The following KCNIP4 variants were observed in gnomAD, a reference collection of about 807,000 sequenced individuals.
KCNIP4 encodes potassium voltage-gated channel interacting protein 4.
KCNIP4 carries 12 observed loss-of-function variants against 34.0 expected under a neutral mutation model. The observed-to-expected ratio is 0.35, with a 90% confidence interval of 0.23 to 0.57. The LOEUF (loss-of-function observed/expected upper bound fraction) is 0.57. Ranked by LOEUF, KCNIP4 falls within the 20% of genes least tolerant of loss-of-function variation. The pLI, the probability that KCNIP4 is intolerant of heterozygous loss-of-function variation, is 0.83. For missense variants in KCNIP4, 238 were observed against 311.7 expected, an observed-to-expected ratio of 0.76 and a Z score of 1.78; for synonymous variants, 124 against 102.2, an observed-to-expected ratio of 1.21 and a Z score of -1.29.
chr4:21,193,316 G>A (rs1755815155), intron 1 of KCNIP4, among the ~76,000 whole-genome samples: 1 of 152,114 alleles, frequency 6.6e-6, no homozygotes. Context: ...TCACAGCTGA[G>A]CTCAGGAGAA....
rs145818414 is a variant in KCNIP4, at chr4:21,738,315, GT to G, written c.61+210255del. Reference sequence around the variant, plus strand: ...CATGTGAGACAAGGAAATGCAAGCTGTTTAAATTAAATGAAATGACCTGATC... The same window carrying G: ...CATGTGAGACAAGGAAATGCAAGCTGTTAAATTAAATGAAATGACCTGATC... On this transcript the variant is annotated intron_variant, in intron 1 of 8. Transcript: ENST00000382152. Among the ~76,000 whole-genome samples, 548 of 152,150 alleles carry G rather than the reference GT, an allele frequency of 3.6e-3. 2 individuals carry two copies. Among genetic ancestry groups the G allele is most frequent in the African/African-American group, 0.012 (519 of 41,530 alleles).
At chr4:21,355,414 A>G (rs1195424625) in intron 1 of KCNIP4, among the ~76,000 whole-genome samples, 1 of 152,136 alleles carries the variant, frequency 6.6e-6, no homozygotes, top group Non-Finnish European at 1.5e-5. Context: ...AGCAAGACTA[A>G]TAAGAAGAAA....
At chr4:20,920,899 G>T (rs761744761) in intron 1 of KCNIP4, among the ~76,000 whole-genome samples, 4 of 152,176 alleles carry the variant, frequency 2.6e-5, no homozygotes, top group Non-Finnish European at 4.4e-5. Context: ...TGAGGCAGGA[G>T]AATTGCTTGA....
At chr4:21,255,806 C>A (rs1761022700) in intron 1 of KCNIP4, among the ~76,000 whole-genome samples, 2 of 152,134 alleles carry the variant, frequency 1.3e-5, no homozygotes. Context: ...ACGCGGTCCC[C>A]AATGTTGAAG....
At chr4:21,584,386 C>T (rs1269839052) in intron 1 of KCNIP4, among the ~76,000 whole-genome samples, 1 of 151,774 alleles carries the variant, frequency 6.6e-6, no homozygotes, top group Non-Finnish European at 1.5e-5. Flanking sequence ...ACAAATTTAC[C>T]AAAATTATTT....
intron 2 of KCNIP4, among the ~76,000 whole-genome samples, chr4:20,879,179 T>C (rs1470898637): frequency 2.0e-5 from 3 of 152,160 alleles, no homozygotes. Context: ...AAGACAATTC[T>C]TTGTTCACAG....
chr4:21,205,630 A>G lies in KCNIP4; in HGVS notation c.62-322921T>C, dbSNP rs370781227. Among the ~76,000 whole-genome samples the G allele has an allele frequency of 2.4e-3, 360 of 152,314 alleles. 1 individual carries two copies. The highest frequency in any genetic ancestry group is 0.021 in the South Asian group (100 of 4,832). ...TTAAAACTTACCACGTGCTTTACAA[A>G]TACTAACTCCTTTGTTATATCTCTC... On this transcript the variant is annotated intron_variant, in intron 1 of 8. Transcript: ENST00000382152.
chr4:20,979,336 C>T (rs563283818), intron 1 of KCNIP4, among the ~76,000 whole-genome samples: 2 of 151,732 alleles, frequency 1.3e-5, no homozygotes, highest in Non-Finnish European at 2.9e-5. Flanking sequence ...GATTTTTGTC[C>T]TTCCAATCTG....
intron 1 of KCNIP4, among the ~76,000 whole-genome samples, chr4:21,586,549 C>A (rs900991514): frequency 2.0e-5 from 3 of 152,024 alleles, no homozygotes; most frequent in Middle Eastern, 3.4e-3. Context: ...GAAGGTGTGA[C>A]AGGAACTGAA....
At chr4:21,549,195 T>C (rs13104108) in intron 1 of KCNIP4, among the ~76,000 whole-genome samples, 54,549 of 151,794 alleles carry the variant, frequency 0.36, 10,108 homozygotes, top group South Asian at 0.52. Context: ...TTATATGATG[T>C]TTACTACTTG....
Position 20,910,178 on chromosome 4 carries a change from C to T in KCNIP4, c.62-27469G>A, listed in dbSNP as rs114088381. Among the ~76,000 whole-genome samples the T allele has an allele frequency of 9.8e-3, 1,488 of 152,188 alleles. 11 individuals carry two copies. Among genetic ancestry groups the T allele is most frequent in the Admixed American group, 0.019 (296 of 15,284 alleles). ...TCATTCTAAATTAGCTTGGATTTCT[C>T]CTACTGGCTCACCTCACTTTAGAGT... is the stretch of plus-strand genomic sequence containing the variant. On this transcript the variant is annotated intron_variant, in intron 1 of 8. Coordinates refer to ENST00000382152, the MANE Select transcript of KCNIP4 (RefSeq NM_025221.6).
At chr4:21,803,720 C>T (rs1441176318) in intron 1 of KCNIP4, among the ~76,000 whole-genome samples, 1 of 152,184 alleles carries the variant, frequency 6.6e-6, no homozygotes, top group African/African-American at 2.4e-5. Context: ...AGACACTTCC[C>T]CAGTGAAGCT....
chr4:21,126,790 CA>C (rs1750656589), intron 1 of KCNIP4, among the ~76,000 whole-genome samples: 1 of 152,124 alleles, frequency 6.6e-6, no homozygotes, highest in South Asian at 2.1e-4. Flanking sequence ...AAGCAAGTAG[CA>C]AGGGTGTCTT....
At chr4:21,410,893 A>G (rs1014709804) in intron 1 of KCNIP4, among the ~76,000 whole-genome samples, 2 of 152,216 alleles carry the variant, frequency 1.3e-5, no homozygotes, top group African/African-American at 4.8e-5. Context: ...TATCTTGGCA[A>G]TAATGGTCTG....
intron 3 of KCNIP4, among the ~76,000 whole-genome samples, chr4:20,848,483 G>T (rs898560329): frequency 9.4e-6 from 1 of 106,424 alleles, no homozygotes; most frequent in Non-Finnish European, 2.2e-5. Flanking sequence ...GGACATATGG[G>T]CAACAAAAAA....
chr4:21,803,141 T>C (rs1721101314), intron 1 of KCNIP4, among the ~76,000 whole-genome samples: 1 of 152,174 alleles, frequency 6.6e-6, no homozygotes, highest in Admixed American at 6.5e-5. Flanking sequence ...TTTTTGACGT[T>C]AGTAAAGGTA....
intron 1 of KCNIP4, among the ~76,000 whole-genome samples, chr4:21,181,108 C>A (rs922261752): frequency 2.6e-5 from 4 of 152,100 alleles, no homozygotes; most frequent in Non-Finnish European, 4.4e-5. Flanking sequence ...GCAGTAGAGG[C>A]ACCTCAGATG....
At chr4:21,169,746 C>T (rs1407257841) in intron 1 of KCNIP4, among the ~76,000 whole-genome samples, 1 of 146,066 alleles carries the variant, frequency 6.8e-6, no homozygotes, top group Non-Finnish European at 1.5e-5. Flanking sequence ...GATATGAGAA[C>T]CTGGGCCTGA....
chr4:21,825,796 C>T (rs1722646632), intron 1 of KCNIP4, among the ~76,000 whole-genome samples: 1 of 151,944 alleles, frequency 6.6e-6, no homozygotes, highest in South Asian at 2.1e-4. Context: ...TCATGGAAAC[C>T]ATATTTTAGC....
Sources: allele counts gnomAD v4.1 joint callset (sites outside exome capture counted in the v4.1 genomes callset), GRCh38; gene constraint gnomAD v4.1.1; transcripts MANE v1.5; gene names NCBI Gene and HGNC (gene_info 2026-07-23, HGNC 2026-07-21).